Variants in FCHSD2 observed in about 807,000 individuals in gnomAD.
FCHSD2 encodes FCH and double SH3 domains 2.
FCHSD2 carries 38 observed loss-of-function variants against 108.1 expected under a neutral mutation model. That is an observed-to-expected ratio of 0.35 (90% confidence interval 0.27 to 0.46). The LOEUF (loss-of-function observed/expected upper bound fraction) is 0.46. FCHSD2 is among the 20% of genes least tolerant of loss of function. FCHSD2 has a pLI of 1.00. For missense variants in FCHSD2, 751 were observed against 897.8 expected (o/e 0.84, Z 2.09); for synonymous variants, 279 against 314.7 (o/e 0.89, Z 1.20).
At chr11:72,887,346 C>T (rs55669705) in intron 12 of FCHSD2, 124 bp downstream of exon 12, 20 of 649,064 alleles carry the variant, frequency 3.1e-5, no homozygotes, top group Admixed American at 2.0e-4. Flanking sequence ...ACTGTGGACA[C>T]GAATGAAGAC....
chr11:72,963,478 T>C (rs923141085), intron 8 of FCHSD2, among the ~76,000 whole-genome samples: 6 of 152,128 alleles, frequency 3.9e-5, no homozygotes, highest in Admixed American at 6.5e-5. Context: ...CAAACCAAAT[T>C]TGCCTTGCTC....
chr11:73,064,303 T>G (rs1004185270), intron 3 of FCHSD2, among the ~76,000 whole-genome samples: 2 of 152,114 alleles, frequency 1.3e-5, no homozygotes, highest in Admixed American at 6.5e-5. Context: ...AGAGGGAAAT[T>G]TATAGCACTA....
rs1246523659 is a variant in FCHSD2 at position 73,049,355 on chromosome 11, TAAG to T, written c.166-33473_166-33471del. On this transcript the variant is annotated intron_variant, in intron 3 of 19. Coordinates refer to ENST00000409418, the MANE Select transcript of FCHSD2 (RefSeq NM_014824.3). Reference sequence around the variant, plus strand: ...GGTTCTGATTTCTGTATCAATGGCTTAAGAATAATGACAAGAAACAAGATAGGT... The same window carrying T: ...GGTTCTGATTTCTGTATCAATGGCTTAATAATGACAAGAAACAAGATAGGT... Among the ~76,000 whole-genome samples the T allele has an allele frequency of 2.0e-5, 3 of 152,138 alleles. No individual in the cohort carries two copies. The East Asian group carries it at 5.8e-4, about 29-fold the overall frequency.
chr11:73,057,821 T>C (rs1200077146), intron 3 of FCHSD2, among the ~76,000 whole-genome samples: 1 of 152,020 alleles, frequency 6.6e-6, no homozygotes, highest in East Asian at 1.9e-4. Flanking sequence ...CCCTCAGTTC[T>C]TGAGGGATCT....
At chr11:72,855,187 C>T (rs1187661804) in intron 13 of FCHSD2, among the ~76,000 whole-genome samples, 3 of 152,110 alleles carry the variant, frequency 2.0e-5, no homozygotes, top group African/African-American at 7.2e-5. Flanking sequence ...TCAGGAGAAT[C>T]GCTTGAACCT....
chr11:72,926,930 A>C (rs1856088159), intron 8 of FCHSD2, among the ~76,000 whole-genome samples: 1 of 152,232 alleles, frequency 6.6e-6, no homozygotes, highest in Non-Finnish European at 1.5e-5. Flanking sequence ...GAGTGAAAAA[A>C]ATGGCGACTT....
chr11:73,103,708 A>G (rs1336265180), intron 2 of FCHSD2, among the ~76,000 whole-genome samples: 6 of 152,244 alleles, frequency 3.9e-5, no homozygotes, highest in Non-Finnish European at 7.3e-5. Context: ...TGTACTTTCA[A>G]GAAAAAAGAA....
intron 5 of FCHSD2, among the ~76,000 whole-genome samples, chr11:72,990,116 C>A (rs1857383807): frequency 6.6e-6 from 1 of 152,046 alleles, no homozygotes; most frequent in Non-Finnish European, 1.5e-5. Flanking sequence ...AGCAAAATAA[C>A]CACTCATATT....
intron 9 of FCHSD2, among the ~76,000 whole-genome samples, chr11:72,908,594 A>G (rs1482416189): frequency 6.6e-6 from 1 of 151,570 alleles, no homozygotes; most frequent in Non-Finnish European, 1.5e-5. Flanking sequence ...GGATGATATA[A>G]TATCTTACTG....
chr11:72,989,001 C>A lies in FCHSD2; in HGVS notation c.484G>T (p.Ala162Ser), dbSNP rs1367205405. The stretch of plus-strand genomic sequence containing the variant: ...TCAGCTTTCTCTCGTACTGCATGAG[C>A]CATCTGTTCAGTCTCAAAGTATTTC... ...KKKYFETEQM[A>S]HAVREKADIE... Residue 162 changes from alanine to serine, a missense_variant, in exon 6 of 20, where the codon GCT becomes TCT. Physicochemically the swap from Ala to Ser is moderately conservative, Grantham distance 99. Transcript: ENST00000409418. 1.2e-6 allele frequency: 2 copies of A among 1,612,290 alleles called. No homozygotes were observed. Among genetic ancestry groups the A allele is most frequent in the South Asian group, 2.2e-5 (2 of 90,876 alleles).
intron 2 of FCHSD2, among the ~76,000 whole-genome samples, chr11:73,097,387 T>TA (rs925741278): frequency 5.3e-5 from 8 of 151,256 alleles, no homozygotes; most frequent in African/African-American, 1.9e-4. Context: ...TTTATTTATT[T>TA]TTTTTTTTTG....
At chr11:72,978,144 C>T (rs1004312936) in intron 8 of FCHSD2, among the ~76,000 whole-genome samples, 1 of 151,726 alleles carries the variant, frequency 6.6e-6, no homozygotes, top group Non-Finnish European at 1.5e-5. Context: ...GGGAACATCA[C>T]ACACTGGGGC....
chr11:73,100,748 T>C (rs1254089717), intron 2 of FCHSD2, among the ~76,000 whole-genome samples: 3 of 152,184 alleles, frequency 2.0e-5, no homozygotes, highest in Non-Finnish European at 4.4e-5. Flanking sequence ...AGCTTGGATG[T>C]GGTAATGTTG....
intron 8 of FCHSD2, among the ~76,000 whole-genome samples, chr11:72,934,172 A>G (rs985734683): frequency 6.6e-6 from 1 of 151,510 alleles, no homozygotes. Flanking sequence ...TAAAAGTATC[A>G]TAACAGTTTG....
At chr11:72,916,300 C>CT (rs889180267) in intron 9 of FCHSD2, among the ~76,000 whole-genome samples, 1,856 of 120,222 alleles carry the variant, frequency 0.015, 27 homozygotes, top group African/African-American at 0.03. Flanking sequence ...TGGTACACAA[C>CT]TTTTTTTTTT....
chr11:72,973,372 A>G (rs1234745766), intron 8 of FCHSD2, among the ~76,000 whole-genome samples: 2 of 152,182 alleles, frequency 1.3e-5, no homozygotes, highest in African/African-American at 2.4e-5. Flanking sequence ...CATCTCAAAA[A>G]AAAAAGAAAG....
intron 10 of FCHSD2, among the ~76,000 whole-genome samples, chr11:72,897,599 T>C (rs1049631719): frequency 3.3e-5 from 5 of 152,168 alleles, no homozygotes; most frequent in African/African-American, 9.7e-5. Context: ...GGGACAACTG[T>C]TGTCATTTTA....
At chr11:73,081,073 T>TC (rs1859673035) in intron 3 of FCHSD2, among the ~76,000 whole-genome samples, 1 of 152,228 alleles carries the variant, frequency 6.6e-6, no homozygotes, top group East Asian at 1.9e-4. Context: ...AGCAGAGGAC[T>TC]CACTTTTCAT....
chr11:72,896,341 T>C (rs1353791938), intron 10 of FCHSD2, among the ~76,000 whole-genome samples: 1 of 152,228 alleles, frequency 6.6e-6, no homozygotes, highest in Non-Finnish European at 1.5e-5. Context: ...GTATAGATCA[T>C]ACTTATCTAA....
Sources: allele counts gnomAD v4.1 joint callset (sites outside exome capture counted in the v4.1 genomes callset), GRCh38; gene constraint gnomAD v4.1.1; transcripts MANE v1.5; gene names NCBI Gene and HGNC (gene_info 2026-07-23, HGNC 2026-07-21).